The following ACOX3 variants were observed in gnomAD, a reference collection of about 807,000 sequenced individuals.
The protein encoded by ACOX3 is peroxisomal acyl-coenzyme A oxidase 3.
ACOX3 carries 73 observed loss-of-function variants against 81.5 expected under a neutral mutation model. The ratio of observed to expected loss-of-function variants is 0.90; its 90% CI spans 0.74 to 1.09. The LOEUF (loss-of-function observed/expected upper bound fraction) is 1.09, where lower values mean the gene tolerates loss of function less well. ACOX3 is among the 50% of genes least tolerant of loss of function. The probability of loss-of-function intolerance (pLI) is 0.00; values close to 1 mark genes in which losing one functional copy is unlikely to be tolerated. For synonymous variants in ACOX3, 387 were observed against 375.1 expected (o/e 1.03, Z -0.37); for missense variants, 947 against 928.0 (o/e 1.02, Z -0.27).
chr4:8,375,471 G>A (rs62286000), intron 14 of ACOX3, among the ~76,000 whole-genome samples: 2 of 152,216 alleles, frequency 1.3e-5, no homozygotes, highest in African/African-American at 4.8e-5. Flanking sequence ...GCCGGCCTCG[G>A]GATGCTCTGC....
chr4:8,423,484 C>T lies in ACOX3; in HGVS notation c.-14-6949G>A, dbSNP rs972946272. ...GCAGTACCCTCTTAGACCCGAGGCC[C>T]AACAAGGACTCCAAAAGATTGTTAA... is the stretch of plus-strand genomic sequence containing the variant. On this transcript the variant is annotated intron_variant, in intron 1 of 17. Coordinates refer to ENST00000356406, the MANE Select transcript of ACOX3 (RefSeq NM_003501.3). The surrounding 1 kb of genome is among the most constrained non-coding windows in gnomAD (Gnocchi z 4.2). Among the ~76,000 whole-genome samples, 7 of 152,120 alleles carry T rather than the reference C, an allele frequency of 4.6e-5. No individual in the cohort carries two copies. Among genetic ancestry groups the T allele is most frequent in the African/African-American group, 1.4e-4 (6 of 41,432 alleles).
chr4:8,377,363 A>G (rs1717098343), intron 14 of ACOX3, among the ~76,000 whole-genome samples: 1 of 152,132 alleles, frequency 6.6e-6, no homozygotes. Flanking sequence ...CAGGCCAGAC[A>G]TGCTGCGGGG....
At chr4:8,395,120 G>T (rs909959535) in intron 9 of ACOX3, among the ~76,000 whole-genome samples, 1 of 152,182 alleles carries the variant, frequency 6.6e-6, no homozygotes, top group East Asian at 1.9e-4. Flanking sequence ...AGCCTGTGAG[G>T]ATGAGGCCGT....
chr4:8,418,228 T>C (rs1225740861), intron 1 of ACOX3, among the ~76,000 whole-genome samples: 2 of 152,108 alleles, frequency 1.3e-5, no homozygotes, highest in Non-Finnish European at 2.9e-5. Context: ...GAACTAGAAA[T>C]AAACATCTCT....
intron 13 of ACOX3, among the ~76,000 whole-genome samples, chr4:8,383,879 G>A (rs187787093): frequency 5.3e-4 from 80 of 152,326 alleles, no homozygotes; most frequent in Admixed American, 2.9e-3. Context: ...GGTAGACGCC[G>A]TACAGTTGTG....
Position 8,412,951 on chromosome 4 carries a change from C to T in ACOX3, c.543+1341G>A, listed in dbSNP as rs957383834. On this transcript the variant is annotated intron_variant, in intron 5 of 17. Transcript: ENST00000356406. The stretch of plus-strand genomic sequence containing the variant: ...CCATCTCCCTCCAACCCGCACCCCT[C>T]CACAGCACTGACAGCCCCAGGGCAT... 4.1e-5 allele frequency among the ~76,000 whole-genome samples: 6 copies of T among 148,000 alleles called. No individual in the cohort carries two copies. The East Asian group carries it at 1.0e-3, about 25-fold the overall frequency.
chr4:8,427,065 C>T (rs1354896364), intron 1 of ACOX3, among the ~76,000 whole-genome samples: 1 of 152,218 alleles, frequency 6.6e-6, no homozygotes, highest in Non-Finnish European at 1.5e-5. Flanking sequence ...ACTAAGAATT[C>T]CTAAGCCTAG....
At chr4:8,426,460 G>A (rs1181758206) in intron 1 of ACOX3, among the ~76,000 whole-genome samples, 1 of 151,928 alleles carries the variant, frequency 6.6e-6, no homozygotes, top group Non-Finnish European at 1.5e-5. Context: ...CTCTTCAAGC[G>A]ACAACTGCGA....
rs1456919871 is a variant in ACOX3, at chr4:8,389,158, C to T, written c.1537+15G>A. 1.9e-6 allele frequency: 3 copies of T among 1,607,864 alleles called. No individual in the cohort carries two copies. Among genetic ancestry groups the T allele is most frequent in the Non-Finnish European group, 1.7e-6 (2 of 1,175,038 alleles). On this transcript the variant is annotated intron_variant, in intron 13 of 17. Transcript: ENST00000356406. This position sits in a 1 kb window ranked among gnomAD's most constrained non-coding sequence, Gnocchi z 5.3. ...AAATCAGGAGGCCAGGGGAGCCCTC[C>T]ACCTGTGTGTTTACCTGCAGAGTCC...
At chr4:8,433,548 A>G (rs1345203262) in intron 1 of ACOX3, among the ~76,000 whole-genome samples, 1 of 152,244 alleles carries the variant, frequency 6.6e-6, no homozygotes, top group Non-Finnish European at 1.5e-5. Flanking sequence ...AAACTAAGAT[A>G]GCATAAAAAT....
intron 1 of ACOX3, among the ~76,000 whole-genome samples, chr4:8,434,706 C>G (rs906294322): frequency 6.6e-6 from 1 of 152,246 alleles, no homozygotes; most frequent in Non-Finnish European, 1.5e-5. Flanking sequence ...GCCTGATCAC[C>G]CATGGCGTGC....
Position 8,389,175 on chromosome 4 carries a change from G to T in ACOX3, c.1535C>A (p.Ala512Glu). The change falls in exon 13 of 18, where the codon GCA becomes GAA. Residue 512 changes from alanine (A) to glutamate (E), a missense_variant and splice_region_variant. By Grantham distance (107) the Ala-to-Glu change is moderately radical. Coordinates refer to ENST00000356406, the MANE Select transcript of ACOX3 (RefSeq NM_003501.3). This position sits in a 1 kb window ranked among gnomAD's most constrained non-coding sequence, Gnocchi z 5.3. ...GAGCCCTCCACCTGTGTGTTTACCTGCAGAGTCCAAGCAGTCGGCAACACT... is the reference window on the plus strand; with the variant it reads ...GAGCCCTCCACCTGTGTGTTTACCTTCAGAGTCCAAGCAGTCGGCAACACT... ...VSSVADCLDS[A>E]VALAAYKWLV... 1 of 1,613,038 alleles carries T rather than the reference G, an allele frequency of 6.2e-7. No individual in the cohort carries two copies. Among genetic ancestry groups the T allele is most frequent in the South Asian group, 1.1e-5 (1 of 90,936 alleles).
chr4:8,430,838 A>G lies in ACOX3; in HGVS notation c.-15+9810T>C, dbSNP rs139420449. On this transcript the variant is annotated intron_variant, in intron 1 of 17. Transcript: ENST00000356406. The surrounding 1 kb of genome is among the most constrained non-coding windows in gnomAD (Gnocchi z 5.2). ...ACCATTGCACTCCAGCCTGGGTGAC[A>G]AGAGTGAAACTCCATCTCAAAAAAT... 5.7e-4 allele frequency among the ~76,000 whole-genome samples: 87 copies of G among 152,314 alleles called. No individual in the cohort carries two copies. The East Asian group carries it at 0.016, about 28-fold the overall frequency.
In ACOX3 at chr4:8,416,077, C is replaced by A; in HGVS notation, c.145-78G>T. 7.2e-7 allele frequency: 1 copy of A among 1,396,616 alleles called. No individual in the cohort carries two copies. Among genetic ancestry groups the A allele is most frequent in the Non-Finnish European group, 1.0e-6 (1 of 997,842 alleles). 86.5% of individuals were successfully genotyped at this position (1,396,616 alleles called of 1,614,324 possible). ...CATGTGCCCTTATATAGTTGACCTC[C>A]AGGCCACAGGCTTCATGGGACACAG... On this transcript the variant is annotated intron_variant, in intron 2 of 17. Transcript: ENST00000356406. This position sits in a 1 kb window ranked among gnomAD's most constrained non-coding sequence, Gnocchi z 4.2.
chr4:8,389,163 G>C lies in ACOX3; in HGVS notation c.1537+10C>G, dbSNP rs765322454. ...AGGAGGCCAGGGGAGCCCTCCACCT[G>C]TGTGTTTACCTGCAGAGTCCAAGCA... is the stretch of plus-strand genomic sequence containing the variant. On this transcript the variant is annotated intron_variant, in intron 13 of 17. Coordinates refer to ENST00000356406, the MANE Select transcript of ACOX3 (RefSeq NM_003501.3). The surrounding 1 kb of genome is among the most constrained non-coding windows in gnomAD (Gnocchi z 5.3). 18 of 1,610,674 alleles carry C rather than the reference G, an allele frequency of 1.1e-5. No individual in the cohort carries two copies. Among genetic ancestry groups the C allele is most frequent in the East Asian group, 4.5e-5 (2 of 44,830 alleles).
In ACOX3 at chr4:8,382,266, G is replaced by A. The variant is rs535482337; in HGVS notation, c.1538-659C>T. Among the ~76,000 whole-genome samples, 6 of 152,302 alleles carry A rather than the reference G, an allele frequency of 3.9e-5. No homozygotes were observed. In the East Asian group the frequency reaches 5.8e-4, roughly 15 times the overall value. The stretch of plus-strand genomic sequence containing the variant: ...GCAGGACAGCTGGAGACCCCCCTTC[G>A]TCCTCCCCTTCCCCTGGCAGTGGTG... On this transcript the variant is annotated intron_variant, in intron 13 of 17. Coordinates refer to ENST00000356406, the MANE Select transcript of ACOX3 (RefSeq NM_003501.3). This position sits in a 1 kb window ranked among gnomAD's most constrained non-coding sequence, Gnocchi z 4.1.
At chr4:8,361,425 C>CAAAAAAAAAAAAAAAAAAAAAAAA (rs56251372), downstream of ACOX3, among the ~76,000 whole-genome samples, 1 of 39,034 alleles carries the variant, frequency 2.6e-5, no homozygotes, top group African/African-American at 1.2e-4. Context: ...GACTCTATCT[C>CAAAAAAAAAAAAAAAAAAAAAAAA]AAAAAAAAAA....
chr4:8,401,923 A>C (rs1288318735), intron 7 of ACOX3, among the ~76,000 whole-genome samples: 1 of 152,174 alleles, frequency 6.6e-6, no homozygotes, highest in East Asian at 1.9e-4. Context: ...CCAGGGTGGG[A>C]TCCCTCAACC....
chr4:8,398,392 T>C (rs1719956325), intron 8 of ACOX3, among the ~76,000 whole-genome samples: 1 of 152,188 alleles, frequency 6.6e-6, no homozygotes, highest in Admixed American at 6.5e-5. Flanking sequence ...ACTTTTCCTC[T>C]TTGGTCCTCC....
Sources: allele counts gnomAD v4.1 joint callset (sites outside exome capture counted in the v4.1 genomes callset), GRCh38; gene constraint gnomAD v4.1.1; non-coding constraint Gnocchi (gnomAD v3.1); transcripts MANE v1.5; gene names NCBI Gene and HGNC (gene_info 2026-07-23, HGNC 2026-07-21).